FBXL7: variants seen among roughly 807,000 people sequenced by gnomAD.
The protein encoded by FBXL7 is F-box/LRR-repeat protein 7.
FBXL7 carries 12 observed loss-of-function variants against 38.3 expected under a neutral mutation model. The ratio of observed to expected loss-of-function variants is 0.31; its 90% CI spans 0.20 to 0.51. The LOEUF is 0.51. FBXL7 is among the 20% of genes least tolerant of loss of function. The probability of loss-of-function intolerance (pLI) is 0.98; values close to 1 mark genes in which losing one functional copy is unlikely to be tolerated. For synonymous variants in FBXL7, 297 were observed against 300.9 expected, an observed-to-expected ratio of 0.99 and a Z score of 0.13; for missense variants, 567 against 676.4, an observed-to-expected ratio of 0.84 and a Z score of 1.79.
intron 2 of FBXL7, among the ~76,000 whole-genome samples, chr5:15,709,330 T>C (rs1236316965): frequency 6.6e-6 from 1 of 152,092 alleles, no homozygotes; most frequent in Non-Finnish European, 1.5e-5. Flanking sequence ...GGTCAGGAGT[T>C]TGAGACCAGC....
intron 2 of FBXL7, among the ~76,000 whole-genome samples, chr5:15,825,105 T>A (rs1738275969): frequency 6.6e-6 from 1 of 152,222 alleles, no homozygotes; most frequent in African/African-American, 2.4e-5. Flanking sequence ...AGTAAAAATT[T>A]CACAGTAATT....
chr5:15,575,396 G>A lies in FBXL7; in HGVS notation c.38-40587G>A, dbSNP rs754406036. Reference sequence around the variant, plus strand: ...TCTAGAGTTTGATTCTTTGACGAGCGCAACAGGGAATTGAAAATCACACAA... The same window carrying A: ...TCTAGAGTTTGATTCTTTGACGAGCACAACAGGGAATTGAAAATCACACAA... On this transcript the variant is annotated intron_variant, in intron 1 of 3. Coordinates refer to ENST00000504595, the MANE Select transcript of FBXL7 (RefSeq NM_012304.5). 4.6e-4 allele frequency among the ~76,000 whole-genome samples: 70 copies of A among 152,146 alleles called. 1 individual carries two copies. Among genetic ancestry groups the A allele is most frequent in the Non-Finnish European group, 4.1e-4 (28 of 68,000 alleles).
At chr5:15,799,244 G>A (rs971461202) in intron 2 of FBXL7, among the ~76,000 whole-genome samples, 1 of 151,946 alleles carries the variant, frequency 6.6e-6, no homozygotes, top group African/African-American at 2.4e-5. Context: ...TGGATAGACA[G>A]AAGGAGCGAC....
At chr5:15,519,057 C>T (rs561724275) in intron 1 of FBXL7, among the ~76,000 whole-genome samples, 65 of 152,146 alleles carry the variant, frequency 4.3e-4, no homozygotes, top group Admixed American at 2.2e-3. Context: ...GAATCTGGGC[C>T]CTGCAGCAGG....
intron 1 of FBXL7, among the ~76,000 whole-genome samples, chr5:15,539,367 A>T (rs1051724552): frequency 6.6e-6 from 1 of 152,214 alleles, no homozygotes; most frequent in African/African-American, 2.4e-5. Flanking sequence ...CAGGTTGAGG[A>T]TGCTGGAAAA....
intron 2 of FBXL7, among the ~76,000 whole-genome samples, chr5:15,781,450 C>T (rs577095023): frequency 8.1e-5 from 12 of 148,652 alleles, no homozygotes; most frequent in South Asian, 2.1e-4. Context: ...TGTGTGTGTG[C>T]GCGCGCGTGT....
intron 2 of FBXL7, among the ~76,000 whole-genome samples, chr5:15,828,163 T>C (rs1370638837): frequency 6.6e-6 from 1 of 152,182 alleles, no homozygotes; most frequent in Non-Finnish European, 1.5e-5. Flanking sequence ...TCTTATGAGG[T>C]TGTTGCAAGA....
At chr5:15,802,114 C>G (rs1420421960) in intron 2 of FBXL7, among the ~76,000 whole-genome samples, 6 of 152,136 alleles carry the variant, frequency 3.9e-5, no homozygotes, top group Non-Finnish European at 8.8e-5. Context: ...GCCCACTTGG[C>G]TCTACCTCCA....
intron 2 of FBXL7, among the ~76,000 whole-genome samples, chr5:15,880,271 C>T (rs1042747222): frequency 3.1e-4 from 39 of 126,460 alleles, no homozygotes; most frequent in African/African-American, 6.3e-5. Context: ...CCAGGTCCAC[C>T]GCCCTGAGCT....
rs192015382 is a variant in FBXL7 at position 15,823,194 on chromosome 5, T to C, written c.128-104696T>C. Among the ~76,000 whole-genome samples, 286 of 152,368 alleles carry C rather than the reference T, an allele frequency of 1.9e-3. 1 individual carries two copies. The highest frequency in any genetic ancestry group is 6.6e-3 in the African/African-American group (275 of 41,588). The stretch of plus-strand genomic sequence containing the variant: ...AAATGTGAGTGTCTTTGTGGGTGTA[T>C]GTGCTTATTTGTGAATGAGTAGACA... On this transcript the variant is annotated intron_variant, in intron 2 of 3. Coordinates refer to ENST00000504595, the MANE Select transcript of FBXL7 (RefSeq NM_012304.5).
chr5:15,807,163 A>T lies in FBXL7; in HGVS notation c.128-120727A>T, dbSNP rs377353857. 1.6e-4 allele frequency among the ~76,000 whole-genome samples: 25 copies of T among 152,220 alleles called. No homozygotes were observed. The South Asian group carries it at 5.2e-3, about 32-fold the overall frequency. On this transcript the variant is annotated intron_variant, in intron 2 of 3. Transcript: ENST00000504595. ...CATCACGTTGGTCAGGCTGGTCTTG[A>T]ACTCCAGACTTCAGGTGACCCACCC...
chr5:15,766,874 G>C (rs1233892174), intron 2 of FBXL7, among the ~76,000 whole-genome samples: 1 of 152,210 alleles, frequency 6.6e-6, no homozygotes, highest in Non-Finnish European at 1.5e-5. Context: ...ATTCTACCGT[G>C]ACGAGCAGAA....
At chr5:15,815,376 G>A (rs1298132511) in intron 2 of FBXL7, among the ~76,000 whole-genome samples, 1 of 152,116 alleles carries the variant, frequency 6.6e-6, no homozygotes, top group African/African-American at 2.4e-5. Flanking sequence ...CATTATGCAG[G>A]CAAACTTGCT....
At chr5:15,893,151 TTAA>T (rs1325949424) in intron 2 of FBXL7, among the ~76,000 whole-genome samples, 3 of 147,520 alleles carry the variant, frequency 2.0e-5, no homozygotes, top group South Asian at 4.3e-4. Context: ...GCTTAGAGAG[TTAA>T]ATATGTACAA....
chr5:15,654,951 A>G (rs1415781967), intron 2 of FBXL7, among the ~76,000 whole-genome samples: 1 of 152,238 alleles, frequency 6.6e-6, no homozygotes, highest in African/African-American at 2.4e-5. Flanking sequence ...TGTACACGCT[A>G]GAAAATTTCT....
At chr5:15,516,009 T>G (rs1736926442) in intron 1 of FBXL7, among the ~76,000 whole-genome samples, 1 of 152,208 alleles carries the variant, frequency 6.6e-6, no homozygotes, top group Admixed American at 6.5e-5. Context: ...CCTGGCATAA[T>G]TAACCCAGCT....
intron 1 of FBXL7, among the ~76,000 whole-genome samples, chr5:15,541,501 A>C (rs1406980708): frequency 8.8e-6 from 1 of 113,906 alleles, no homozygotes; most frequent in Non-Finnish European, 1.8e-5. Flanking sequence ...CCACAGAAGT[A>C]TTGTTCCCAT....
intron 2 of FBXL7, among the ~76,000 whole-genome samples, chr5:15,705,710 A>C (rs1184268904): frequency 5.3e-5 from 8 of 152,212 alleles, no homozygotes; most frequent in African/African-American, 1.9e-4. Context: ...GATGGATTGA[A>C]TGGATCTTTG....
intron 2 of FBXL7, among the ~76,000 whole-genome samples, chr5:15,622,951 C>T (rs547487171): frequency 4.6e-5 from 7 of 152,100 alleles, no homozygotes; most frequent in Non-Finnish European, 7.4e-5. Context: ...GTGATCCCCC[C>T]ACTTTGGCTT....
Sources: allele counts gnomAD v4.1 joint callset (sites outside exome capture counted in the v4.1 genomes callset), GRCh38; gene constraint gnomAD v4.1.1; transcripts MANE v1.5; gene names NCBI Gene and HGNC (gene_info 2026-07-23, HGNC 2026-07-21).